Variants in DPP6 observed in about 807,000 individuals in gnomAD.
DPP6 encodes A-type potassium channel modulatory protein DPP6.
In DPP6, 69 loss-of-function variants were observed where a neutral mutation model predicts 122.6. The ratio of observed to expected loss-of-function variants is 0.56; its 90% CI spans 0.46 to 0.69. The LOEUF (loss-of-function observed/expected upper bound fraction) is 0.69. DPP6 is among the 30% of genes least tolerant of loss of function. The probability of loss-of-function intolerance (pLI) is 0.00; values close to 1 mark genes in which losing one functional copy is unlikely to be tolerated. For synonymous variants in DPP6, 418 were observed against 433.1 expected, an observed-to-expected ratio of 0.97 and a Z score of 0.43; for missense variants, 928 against 1,116.9, an observed-to-expected ratio of 0.83 and a Z score of 2.41.
At chr7:154,443,624 C>T (rs536409064) in intron 1 of DPP6, among the ~76,000 whole-genome samples, 14 of 113,168 alleles carry the variant, frequency 1.2e-4, no homozygotes, top group South Asian at 7.5e-4. Flanking sequence ...ATGGATATGT[C>T]GATGAATGTG....
At chr7:154,652,827 A>G (rs1010646057) in intron 6 of DPP6, among the ~76,000 whole-genome samples, 1 of 152,038 alleles carries the variant, frequency 6.6e-6, no homozygotes, top group African/African-American at 2.4e-5. Context: ...CAAGGCCAAT[A>G]TGGGCAAACT....
At chr7:154,558,942 A>G (rs1830227851) in intron 4 of DPP6, among the ~76,000 whole-genome samples, 1 of 152,224 alleles carries the variant, frequency 6.6e-6, no homozygotes, top group South Asian at 2.1e-4. Flanking sequence ...GAAAACAAAA[A>G]GTCCTAAATT....
intron 1 of DPP6, among the ~76,000 whole-genome samples, chr7:154,037,257 T>C (rs1465512527): frequency 2.6e-5 from 4 of 152,114 alleles, no homozygotes; most frequent in East Asian, 1.9e-4. Flanking sequence ...AAGAGTTCAG[T>C]TGGTTTATAT....
Position 154,877,400 on chromosome 7 carries a change from T to C in DPP6, c.2078+1300T>C, listed in dbSNP as rs3778744. ...GTCAATGACTACAACAACACATGTG[T>C]GCGTGCACACACACACACACACACA... On this transcript the variant is annotated intron_variant, in intron 20 of 25. Transcript: ENST00000377770. This position sits in a 1 kb window ranked among gnomAD's most constrained non-coding sequence, Gnocchi z 5.2. Among the ~76,000 whole-genome samples the C allele has an allele frequency of 0.31, 40,739 of 132,720 alleles. 6,745 individuals carry two copies. The highest frequency in any genetic ancestry group is 0.55 in the East Asian group (2,801 of 5,070). The allele number at this position is 132,720 out of a possible 152,430, so 87.1% of individuals were successfully genotyped here.
chr7:154,324,545 G>A (rs546948449), intron 1 of DPP6, among the ~76,000 whole-genome samples: 15 of 152,232 alleles, frequency 9.9e-5, no homozygotes, highest in African/African-American at 3.1e-4. Flanking sequence ...CATGACCGCC[G>A]GGTCTCCCTC....
intron 5 of DPP6, among the ~76,000 whole-genome samples, chr7:154,570,182 G>A (rs1831023491): frequency 6.6e-6 from 1 of 151,924 alleles, no homozygotes; most frequent in Admixed American, 6.6e-5. Flanking sequence ...TGGGTGGTAA[G>A]AGAAATGAGG....
chr7:153,821,226 A>G, the DPP6 span, among the ~76,000 whole-genome samples: 2 of 152,120 alleles, frequency 1.3e-5, no homozygotes, highest in South Asian at 2.1e-4. Flanking sequence ...AACTATAGAC[A>G]TGGAATAAGA....
chr7:153,797,509 C>A, the DPP6 span, among the ~76,000 whole-genome samples: 17 of 152,206 alleles, frequency 1.1e-4, 1 homozygote, highest in South Asian at 2.5e-3. Context: ...AGGAGGAAGT[C>A]AAAAACAGGA....
At chr7:154,311,499 C>CAA (rs112674195) in intron 1 of DPP6, among the ~76,000 whole-genome samples, 3 of 133,322 alleles carry the variant, frequency 2.3e-5, no homozygotes, top group East Asian at 2.4e-4. Flanking sequence ...CCTGTCTCCA[C>CAA]AAAAAAAAAA....
intron 3 of DPP6, among the ~76,000 whole-genome samples, chr7:154,515,250 T>C (rs1826394457): frequency 6.6e-6 from 1 of 152,186 alleles, no homozygotes; most frequent in African/African-American, 2.4e-5. Flanking sequence ...GACTCTGGCG[T>C]GGCACTTCAA....
At chr7:154,173,246 G>A (rs542667882) in intron 1 of DPP6, among the ~76,000 whole-genome samples, 2 of 152,330 alleles carry the variant, frequency 1.3e-5, no homozygotes, top group East Asian at 3.9e-4. Context: ...TGGGACGAAT[G>A]AGACTCATCA....
At chr7:154,310,165 A>C (rs980679675) in intron 1 of DPP6, among the ~76,000 whole-genome samples, 63 of 152,306 alleles carry the variant, frequency 4.1e-4, no homozygotes, top group African/African-American at 1.5e-3. Context: ...GGAACACCAG[A>C]GTGGGTCCTT....
chr7:154,142,706 G>A (rs1357980147), intron 1 of DPP6, among the ~76,000 whole-genome samples: 1 of 151,564 alleles, frequency 6.6e-6, no homozygotes, highest in Non-Finnish European at 1.5e-5. Context: ...ATAAAACCAT[G>A]AAAATTAAAT....
chr7:153,936,542 C>T (rs1801449523), intron 1 of DPP6, among the ~76,000 whole-genome samples: 2 of 152,034 alleles, frequency 1.3e-5, no homozygotes, highest in Admixed American at 1.3e-4. Context: ...CGTGGTGGCT[C>T]ATGCCTGTAA....
chr7:154,562,178 A>G (rs1033052030), intron 4 of DPP6, among the ~76,000 whole-genome samples: 1 of 152,208 alleles, frequency 6.6e-6, no homozygotes. Context: ...TCATGAACAC[A>G]GATGCAAAAA....
chr7:154,503,667 C>T (rs1046102131), intron 3 of DPP6, among the ~76,000 whole-genome samples: 1 of 136,998 alleles, frequency 7.3e-6, no homozygotes. Flanking sequence ...ATAGCCACAA[C>T]ATTTAAGATC....
At chr7:154,069,988 T>C (rs1803001754) in intron 1 of DPP6, among the ~76,000 whole-genome samples, 3 of 148,370 alleles carry the variant, frequency 2.0e-5, no homozygotes, top group South Asian at 4.4e-4. Context: ...GGAGGCGGAG[T>C]TTGCAGTGAG....
chr7:154,683,235 A>T (rs1586882526), intron 7 of DPP6, among the ~76,000 whole-genome samples: 1 of 151,746 alleles, frequency 6.6e-6, no homozygotes. Flanking sequence ...GTGCCGTCTG[A>T]CCTCCAGCCT....
chr7:154,173,815 C>A (rs1320317072), intron 1 of DPP6, among the ~76,000 whole-genome samples: 2 of 152,192 alleles, frequency 1.3e-5, no homozygotes, highest in East Asian at 3.9e-4. Context: ...CTGAGAATCA[C>A]CATGACTTCC....
Sources: allele counts gnomAD v4.1 joint callset (sites outside exome capture counted in the v4.1 genomes callset), GRCh38; gene constraint gnomAD v4.1.1; non-coding constraint Gnocchi (gnomAD v3.1); transcripts MANE v1.5; gene names NCBI Gene and HGNC (gene_info 2026-07-23, HGNC 2026-07-21).